Variants in UBE2E2 observed in about 807,000 individuals in gnomAD.
The protein encoded by UBE2E2 is ubiquitin conjugating enzyme E2 E2.
A neutral mutation model predicts 24.7 loss-of-function variants in UBE2E2; 6 were observed. The observed-to-expected ratio is 0.24, with a 90% CI of 0.13 to 0.48. The LOEUF (loss-of-function observed/expected upper bound fraction) is 0.48, where lower values mean the gene tolerates loss of function less well. UBE2E2 is among the 20% of genes least tolerant of loss of function. The pLI is 0.99. For synonymous variants in UBE2E2, 104 were observed against 83.6 expected (o/e 1.24, Z -1.33); for missense variants, 169 against 245.0 (o/e 0.69, Z 2.07).
At chr3:23,325,858 C>T (rs1203273282) in intron 3 of UBE2E2, among the ~76,000 whole-genome samples, 1 of 152,188 alleles carries the variant, frequency 6.6e-6, no homozygotes, top group Non-Finnish European at 1.5e-5. Context: ...TTATCAATAT[C>T]ACCCTTTTTC....
At chr3:23,578,202 T>C (rs1433062110) in intron 5 of UBE2E2, among the ~76,000 whole-genome samples, 3 of 152,078 alleles carry the variant, frequency 2.0e-5, no homozygotes, top group African/African-American at 7.2e-5. Context: ...AATCACTCAT[T>C]AGAGAAATGC....
intron 3 of UBE2E2, among the ~76,000 whole-genome samples, chr3:23,246,655 C>G (rs1241873750): frequency 1.3e-5 from 2 of 149,970 alleles, no homozygotes; most frequent in Non-Finnish European, 3.0e-5. Flanking sequence ...GAGTGCTGGG[C>G]TTATAGCCAC....
intron 5 of UBE2E2, among the ~76,000 whole-genome samples, chr3:23,579,378 C>A (rs1436400345): frequency 2.8e-5 from 4 of 142,044 alleles, no homozygotes; most frequent in Admixed American, 2.1e-4. Flanking sequence ...GAGCAAGACT[C>A]CATCTCAAAA....
At chr3:23,571,674 G>A (rs934512549) in intron 5 of UBE2E2, among the ~76,000 whole-genome samples, 1 of 152,090 alleles carries the variant, frequency 6.6e-6, no homozygotes, top group African/African-American at 2.4e-5. Flanking sequence ...TACTCAGCTA[G>A]TCTAGGAGCA....
intron 5 of UBE2E2, among the ~76,000 whole-genome samples, chr3:23,549,072 G>C (rs956429440): frequency 6.6e-6 from 1 of 152,146 alleles, no homozygotes; most frequent in Non-Finnish European, 1.5e-5. Context: ...CAGCTAAACT[G>C]TTTCTTTTTT....
chr3:23,371,767 G>A (rs1358367323), intron 3 of UBE2E2, among the ~76,000 whole-genome samples: 1 of 152,108 alleles, frequency 6.6e-6, no homozygotes, highest in Non-Finnish European at 1.5e-5. Flanking sequence ...GTCTTTGGTT[G>A]CGATAATGTT....
intron 3 of UBE2E2, chr3:23,270,916 C>T (rs1698223507): frequency 2.2e-6 from 1 of 456,574 alleles, no homozygotes; most frequent in Non-Finnish European, 4.4e-6. Flanking sequence ...TGAAATCCTG[C>T]TGACAACTAA....
chr3:23,203,124 A>G (rs1039760819), upstream of UBE2E2: 3 of 982,164 alleles, frequency 3.1e-6, no homozygotes, highest in African/African-American at 3.5e-5. Flanking sequence ...GCGCGCGCGG[A>G]CGGCCGGGCG....
intron 4 of UBE2E2, among the ~76,000 whole-genome samples, chr3:23,524,123 T>C (rs1208553629): frequency 6.6e-6 from 1 of 152,220 alleles, no homozygotes; most frequent in African/African-American, 2.4e-5. Context: ...ATTGTTATTT[T>C]GAATGTTATT....
intron 3 of UBE2E2, among the ~76,000 whole-genome samples, chr3:23,359,218 T>G (rs1288423315): frequency 6.6e-6 from 1 of 152,210 alleles, no homozygotes; most frequent in Non-Finnish European, 1.5e-5. Context: ...ATTTCCCTAC[T>G]CTAATGATGT....
intron 3 of UBE2E2, among the ~76,000 whole-genome samples, chr3:23,348,667 T>C (rs750198650): frequency 2.0e-5 from 3 of 152,060 alleles, no homozygotes; most frequent in Non-Finnish European, 4.4e-5. Flanking sequence ...TCAGAGTGGG[T>C]GAGGCTAGGG....
At chr3:23,390,275 A>G (rs1559369968) in intron 3 of UBE2E2, among the ~76,000 whole-genome samples, 1 of 151,862 alleles carries the variant, frequency 6.6e-6, no homozygotes, top group South Asian at 2.1e-4. Flanking sequence ...CTCCCTCCCC[A>G]CTTATCCTGT....
chr3:23,527,597 T>TA (rs1401560780), intron 4 of UBE2E2, among the ~76,000 whole-genome samples: 1 of 152,150 alleles, frequency 6.6e-6, no homozygotes, highest in Admixed American at 6.5e-5. Flanking sequence ...ATCATGTGAT[T>TA]AGAGGGTTGG....
chr3:23,342,055 GGA>G (rs1294499887), intron 3 of UBE2E2, among the ~76,000 whole-genome samples: 3 of 152,178 alleles, frequency 2.0e-5, no homozygotes, highest in Non-Finnish European at 4.4e-5. Flanking sequence ...TGTTTACAGT[GGA>G]GACTTTGAAA....
chr3:23,296,289 T>C (rs958046873), intron 3 of UBE2E2, among the ~76,000 whole-genome samples: 7 of 152,188 alleles, frequency 4.6e-5, no homozygotes. Context: ...ATTTCACTAC[T>C]TTAGTGTTTC....
chr3:23,371,716 T>C (rs947429120), intron 3 of UBE2E2, among the ~76,000 whole-genome samples: 2 of 152,156 alleles, frequency 1.3e-5, no homozygotes, highest in Non-Finnish European at 2.9e-5. Context: ...TGAAACCTTC[T>C]GAATAATAAT....
chr3:23,392,039 G>T (rs1172434591), intron 3 of UBE2E2, among the ~76,000 whole-genome samples: 1 of 152,008 alleles, frequency 6.6e-6, no homozygotes, highest in Non-Finnish European at 1.5e-5. Flanking sequence ...TTACATATAT[G>T]TAAGTAAAAT....
intron 3 of UBE2E2, among the ~76,000 whole-genome samples, chr3:23,448,034 T>A (rs999282962): frequency 1.3e-5 from 2 of 151,990 alleles, no homozygotes; most frequent in Non-Finnish European, 2.9e-5. Flanking sequence ...TTCAGAGGAG[T>A]AAGTTTCTGT....
intron 3 of UBE2E2, among the ~76,000 whole-genome samples, chr3:23,355,215 T>G (rs1356902373): frequency 8.0e-6 from 1 of 125,756 alleles, no homozygotes; most frequent in African/African-American, 3.0e-5. Context: ...AACCTCACAC[T>G]CTGGGGACTG....
Sources: allele counts gnomAD v4.1 joint callset (sites outside exome capture counted in the v4.1 genomes callset), GRCh38; gene constraint gnomAD v4.1.1; transcripts MANE v1.5; gene names NCBI Gene and HGNC (gene_info 2026-07-23, HGNC 2026-07-21).